DCLK3: variants seen among roughly 807,000 people sequenced by gnomAD.
The protein encoded by DCLK3 is doublecortin like kinase 3, also known as serine/threonine-protein kinase DCLK3.
Under a neutral mutation model 46.4 loss-of-function variants are expected in DCLK3, and 30 were observed. The observed-to-expected ratio is 0.65, with a 90% CI of 0.48 to 0.88. The LOEUF is 0.88. Among genes scored for constraint, DCLK3 ranks in the 40% least tolerant of loss-of-function variants. The pLI is 0.00. For synonymous variants in DCLK3, 401 were observed against 339.2 expected, an observed-to-expected ratio of 1.18 and a Z score of -2.00; for missense variants, 846 against 907.1, an observed-to-expected ratio of 0.93 and a Z score of 0.87.
At chr3:36,759,903 G>A (rs1168758468) in intron 1 of DCLK3, among the ~76,000 whole-genome samples, 10 of 152,176 alleles carry the variant, frequency 6.6e-5, no homozygotes, top group South Asian at 2.1e-4. Context: ...TATCATAATC[G>A]TACATTTCTA....
At chr3:36,748,705 C>G (rs1201077521) in intron 1 of DCLK3, among the ~76,000 whole-genome samples, 1 of 152,102 alleles carries the variant, frequency 6.6e-6, no homozygotes, top group Non-Finnish European at 1.5e-5. Flanking sequence ...GACCTGCCAG[C>G]GACCATAACA....
chr3:36,737,101 A>G lies in DCLK3; in HGVS notation c.1959+107T>C. 7.1e-7 allele frequency: 1 copy of G among 1,405,774 alleles called. No homozygotes were observed. Among genetic ancestry groups the G allele is most frequent in the East Asian group, 2.5e-5 (1 of 40,174 alleles). The allele number at this position is 1,405,774 out of a possible 1,614,324, so 87.1% of individuals were successfully genotyped here. A position where few individuals can be genotyped will look rare whatever the true frequency, so the allele number is the denominator to read the frequency against. ...AACAAGTATGTTATAATAACATAAA[A>G]GTAAAATTCTAGTGTGTAAAGGTGA... On this transcript the variant is annotated intron_variant, in intron 2 of 4. Coordinates refer to ENST00000636136, the MANE Select transcript of DCLK3 (RefSeq NM_001394672.2). This position sits in a 1 kb window ranked among gnomAD's most constrained non-coding sequence, Gnocchi z 4.4.
chr3:36,734,587 T>C (rs143144870), intron 2 of DCLK3, among the ~76,000 whole-genome samples: 53 of 152,234 alleles, frequency 3.5e-4, no homozygotes, highest in African/African-American at 1.3e-3. Context: ...ATATGGACTT[T>C]CTTCAAAATC....
chr3:36,753,361 A>G (rs767977225), intron 1 of DCLK3, among the ~76,000 whole-genome samples: 5 of 152,176 alleles, frequency 3.3e-5, no homozygotes, highest in Non-Finnish European at 7.3e-5. Context: ...AAGCCCACAC[A>G]TCGCGTTTGT....
chr3:36,750,035 T>G (rs1359075572), intron 1 of DCLK3, among the ~76,000 whole-genome samples: 1 of 152,118 alleles, frequency 6.6e-6, no homozygotes, highest in Admixed American at 6.6e-5. Context: ...ATAAATTTCT[T>G]TTACTTCTTA....
intron 1 of DCLK3, among the ~76,000 whole-genome samples, chr3:36,756,914 G>T (rs2125538758): frequency 6.6e-6 from 1 of 151,122 alleles, no homozygotes; most frequent in South Asian, 2.1e-4. Flanking sequence ...AGGCCCTCCA[G>T]GGGAGGCTAC....
intron 2 of DCLK3, among the ~76,000 whole-genome samples, chr3:36,729,262 AC>A (rs1240577746): frequency 2.2e-5 from 3 of 138,288 alleles, no homozygotes; most frequent in South Asian, 2.4e-4. Flanking sequence ...GGGGGGGGGT[AC>A]AAAAGCCCCC....
rs569413125 is a variant in DCLK3 at position 36,730,583 on chromosome 3, G to A, written c.1959+6625C>T. On this transcript the variant is annotated intron_variant, in intron 2 of 4. Coordinates refer to ENST00000636136, the MANE Select transcript of DCLK3 (RefSeq NM_001394672.2). ...AAAGTAAAAGTGGGATAAGGGCTGCGTTGTCTAGTACAGTATCCACTAAGT... is the reference window on the plus strand; with the variant it reads ...AAAGTAAAAGTGGGATAAGGGCTGCATTGTCTAGTACAGTATCCACTAAGT... 3.9e-5 allele frequency among the ~76,000 whole-genome samples: 6 copies of A among 152,260 alleles called. No homozygotes were observed. In the South Asian group the frequency reaches 8.3e-4, roughly 21 times the overall value.
At chr3:36,746,848 T>C (rs894057289) in intron 1 of DCLK3, among the ~76,000 whole-genome samples, 6 of 152,190 alleles carry the variant, frequency 3.9e-5, no homozygotes, top group African/African-American at 1.2e-4. Context: ...GTAAGTCCTG[T>C]TGAAGTGCGG....
chr3:36,756,576 C>T (rs970816718), intron 1 of DCLK3, among the ~76,000 whole-genome samples: 2 of 152,104 alleles, frequency 1.3e-5, no homozygotes, highest in Non-Finnish European at 2.9e-5. Flanking sequence ...TGGTTGTAGC[C>T]CTCTGAAACC....
At chr3:36,741,767 G>A (rs1388314971) in intron 1 of DCLK3, among the ~76,000 whole-genome samples, 1 of 152,222 alleles carries the variant, frequency 6.6e-6, no homozygotes, top group Non-Finnish European at 1.5e-5. Flanking sequence ...GCCACTATAT[G>A]ACAGTGGCAA....
At chr3:36,744,543 C>T (rs1020628782) in intron 1 of DCLK3, among the ~76,000 whole-genome samples, 1 of 152,204 alleles carries the variant, frequency 6.6e-6, no homozygotes, top group Non-Finnish European at 1.5e-5. Context: ...ATTAATTAAT[C>T]CCTATGAACC....
intron 1 of DCLK3, among the ~76,000 whole-genome samples, chr3:36,761,992 T>C (rs1340938221): frequency 6.6e-6 from 1 of 152,080 alleles, no homozygotes; most frequent in Non-Finnish European, 1.5e-5. Flanking sequence ...CTTTGGGGGA[T>C]TTTTTCTTGG....
chr3:36,744,393 T>C (rs1701376576), intron 1 of DCLK3, among the ~76,000 whole-genome samples: 1 of 152,228 alleles, frequency 6.6e-6, no homozygotes, highest in South Asian at 2.1e-4. Flanking sequence ...CAAAGTAGCA[T>C]TTCTGAAGAA....
At chr3:36,756,479 A>G (rs900063376) in intron 1 of DCLK3, among the ~76,000 whole-genome samples, 2 of 152,184 alleles carry the variant, frequency 1.3e-5, no homozygotes, top group Admixed American at 6.5e-5. Flanking sequence ...GACTGATAGC[A>G]TCTGCTAAAG....
At position 36,720,631 on chromosome 3, in the gene DCLK3, A is replaced by G. The variant is rs181367991; in HGVS notation, c.2092+896T>C. On this transcript the variant is annotated intron_variant, in intron 3 of 4. Transcript: ENST00000636136. ...GCAATTCTCCTGCCTCAGCCTCCCG[A>G]GTAGCTCAGATTACAGGCATGTGCC... Among the ~76,000 whole-genome samples the G allele has an allele frequency of 2.4e-4, 37 of 151,376 alleles. No individual in the cohort carries two copies. The East Asian group carries it at 6.4e-3, about 26-fold the overall frequency.
intron 1 of DCLK3, among the ~76,000 whole-genome samples, chr3:36,747,531 T>C (rs1701403692): frequency 6.6e-6 from 1 of 152,012 alleles, no homozygotes; most frequent in African/African-American, 2.4e-5. Flanking sequence ...GTAAGGTTTG[T>C]TATGCATATT....
chr3:36,729,085 G>A (rs749888814), intron 2 of DCLK3, among the ~76,000 whole-genome samples: 6 of 152,162 alleles, frequency 3.9e-5, no homozygotes, highest in South Asian at 2.1e-4. Context: ...AGCACCAAAC[G>A]CCACACACCA....
chr3:36,753,927 G>T (rs1315127581), intron 1 of DCLK3, among the ~76,000 whole-genome samples: 1 of 152,094 alleles, frequency 6.6e-6, no homozygotes, highest in Non-Finnish European at 1.5e-5. Context: ...GACCTCTCGC[G>T]CCTCGGCCTC....
Sources: allele counts gnomAD v4.1 joint callset (sites outside exome capture counted in the v4.1 genomes callset), GRCh38; gene constraint gnomAD v4.1.1; non-coding constraint Gnocchi (gnomAD v3.1); transcripts MANE v1.5; gene names NCBI Gene and HGNC (gene_info 2026-07-23, HGNC 2026-07-21).